Variants in PLCXD2 observed in about 807,000 individuals in gnomAD.
PLCXD2 encodes the protein phosphatidylinositol specific phospholipase C X domain containing 2, also known as PI-PLC X domain-containing protein 2.
In PLCXD2, 21 loss-of-function variants were observed where a neutral mutation model predicts 28.6. The ratio of observed to expected loss-of-function variants is 0.73; its 90% CI spans 0.52 to 1.06. PLCXD2 has a LOEUF of 1.06. Among genes scored for constraint, PLCXD2 ranks in the 50% least tolerant of loss-of-function variants. The pLI is 0.00. For synonymous variants in PLCXD2, 140 were observed against 150.1 expected (o/e 0.93, Z 0.49); for missense variants, 369 against 376.7 (o/e 0.98, Z 0.17).
chr3:111,675,358 C>T lies in PLCXD2; in HGVS notation c.113C>T (p.Ser38Leu), dbSNP rs749400349. The change falls in exon 1 of 5, where the codon TCG becomes TTG. Residue 38 changes from serine (S) to leucine (L), a missense_variant. Transcript: ENST00000477665. ...GTCTGCAATGCCGACTGGATGGCCTCGCTCCCCCCTCACCTCCACAACCTC... is the reference window on the plus strand; with the variant it reads ...GTCTGCAATGCCGACTGGATGGCCTTGCTCCCCCCTCACCTCCACAACCTC... 6 of 1,614,010 alleles carry T rather than the reference C, an allele frequency of 3.7e-6. No homozygotes were observed. The highest frequency in any genetic ancestry group is 1.7e-5 in the Admixed American group (1 of 59,998).
intron 2 of PLCXD2, among the ~76,000 whole-genome samples, chr3:111,709,006 T>C (rs1941161774): frequency 7.0e-6 from 1 of 143,004 alleles, no homozygotes; most frequent in Non-Finnish European, 1.5e-5. Flanking sequence ...AAGAGGAATG[T>C]GGGCCTCAGA....
At chr3:111,683,252 G>A (rs924635353) in intron 1 of PLCXD2, among the ~76,000 whole-genome samples, 1 of 152,132 alleles carries the variant, frequency 6.6e-6, no homozygotes, top group Non-Finnish European at 1.5e-5. Flanking sequence ...CAGTGCAGAG[G>A]GACTGAGGAG....
Position 111,695,160 on chromosome 3 carries a change from TA to T in PLCXD2, c.164-12745del, listed in dbSNP as rs10662190. Among the ~76,000 whole-genome samples the T allele has an allele frequency of 4.1e-3, 538 of 132,322 alleles. 4 individuals are homozygous for T. Among genetic ancestry groups the T allele is most frequent in the African/African-American group, 0.013 (456 of 35,164 alleles). 86.8% of individuals were successfully genotyped at this position (132,322 alleles called of 152,430 possible). ...AAATCTCATTTTTTTACCCATTTTC[TA>T]AAAAAAAAAAAAAAAAAAAATCTTG... On this transcript the variant is annotated intron_variant, in intron 1 of 4. Transcript: ENST00000477665.
intron 3 of PLCXD2, chr3:111,725,686 A>G (rs1941406732): frequency 2.5e-6 from 1 of 398,462 alleles, no homozygotes; most frequent in African/African-American, 2.1e-5. Context: ...GTATTCTATT[A>G]TATTCTCCAG....
Position 111,700,483 on chromosome 3 carries a change from T to C in PLCXD2, c.164-7443T>C, listed in dbSNP as rs145090081. On this transcript the variant is annotated intron_variant, in intron 1 of 4. Coordinates refer to ENST00000477665, the MANE Select transcript of PLCXD2 (RefSeq NM_001185106.1). ...TCCATATTTACTGCTATATATGGAA[T>C]AGTTTTTAGATGACCATAAAATTCT... Among the ~76,000 whole-genome samples the C allele has an allele frequency of 9.2e-5, 14 of 152,342 alleles. No homozygotes were observed. In the East Asian group the frequency reaches 2.7e-3, roughly 29 times the overall value.
Position 111,715,474 on chromosome 3 carries a change from A to G in PLCXD2, c.866+1346A>G, listed in dbSNP as rs142418713. Among the ~76,000 whole-genome samples, 178 of 152,346 alleles carry G rather than the reference A, an allele frequency of 1.2e-3. 2 individuals are homozygous for G. The highest frequency in any genetic ancestry group is 3.8e-3 in the African/African-American group (156 of 41,570). On this transcript the variant is annotated intron_variant, in intron 3 of 4. Transcript: ENST00000477665. ...AGCAGAAACTGGCATGAAAATTTCT[A>G]TAAAGCAATGTGAAATACCACTGTG... is the stretch of plus-strand genomic sequence containing the variant.
chr3:111,708,722 G>T (rs1173311389), intron 2 of PLCXD2, among the ~76,000 whole-genome samples: 1 of 152,108 alleles, frequency 6.6e-6, no homozygotes, highest in East Asian at 1.9e-4. Flanking sequence ...TACCCTTCTG[G>T]TTCCCCTCAG....
intron 3 of PLCXD2, among the ~76,000 whole-genome samples, chr3:111,718,571 A>G (rs1941306310): frequency 6.6e-6 from 1 of 152,144 alleles, no homozygotes; most frequent in Non-Finnish European, 1.5e-5. Flanking sequence ...CCCGTGGCTG[A>G]TTGTAGAGTC....
intron 3 of PLCXD2, chr3:111,721,011 T>TC (rs1306990266): frequency 2.5e-6 from 1 of 400,498 alleles, no homozygotes; most frequent in Non-Finnish European, 4.4e-6. Flanking sequence ...TTTTCTCCCT[T>TC]CCTCACAGGG....
chr3:111,676,116 A>G (rs1356422449), intron 1 of PLCXD2, among the ~76,000 whole-genome samples: 5 of 152,194 alleles, frequency 3.3e-5, no homozygotes, highest in African/African-American at 9.7e-5. Flanking sequence ...ATGCCTTGAC[A>G]TCATTTGTTA....
At chr3:111,722,182 G>GATTT (rs1553719348) in intron 3 of PLCXD2, 73 of 122,094 alleles carry the variant, frequency 6.0e-4, no homozygotes, top group African/African-American at 1.8e-3. Flanking sequence ...CTTGTGTTTT[G>GATTT]ATTTATTTAT....
chr3:111,686,816 A>G (rs937223366), intron 1 of PLCXD2, among the ~76,000 whole-genome samples: 3 of 152,164 alleles, frequency 2.0e-5, no homozygotes, highest in African/African-American at 7.2e-5. Flanking sequence ...TCAATGTAAT[A>G]TTTTATTATA....
intron 2 of PLCXD2, among the ~76,000 whole-genome samples, chr3:111,710,360 T>C (rs933670256): frequency 6.6e-6 from 1 of 152,230 alleles, no homozygotes; most frequent in African/African-American, 2.4e-5. Context: ...GAGATAATGG[T>C]AACAACAACT....
chr3:111,675,488 A>G (rs1194602408), intron 1 of PLCXD2, 80 bp downstream of exon 1: 28 of 1,521,844 alleles, frequency 1.8e-5, no homozygotes, highest in Non-Finnish European at 2.1e-5. Flanking sequence ...TTGCTTTTCT[A>G]TTGTGCTGAG....
chr3:111,697,575 G>T (rs568988600), intron 1 of PLCXD2, among the ~76,000 whole-genome samples: 1 of 152,180 alleles, frequency 6.6e-6, no homozygotes, highest in African/African-American at 2.4e-5. Context: ...TGGTGTTTGA[G>T]TGTTTTAATG....
intron 2 of PLCXD2, among the ~76,000 whole-genome samples, chr3:111,713,501 C>T (rs995416261): frequency 1.3e-5 from 2 of 152,142 alleles, no homozygotes; most frequent in African/African-American, 4.8e-5. Context: ...TTATTGAATG[C>T]ATTTATCATG....
Sources: allele counts gnomAD v4.1 joint callset (sites outside exome capture counted in the v4.1 genomes callset), GRCh38; gene constraint gnomAD v4.1.1; transcripts MANE v1.5; gene names NCBI Gene and HGNC (gene_info 2026-07-23, HGNC 2026-07-21).